The following IFNG-AS1 variants were observed in gnomAD, a reference collection of about 807,000 sequenced individuals.
IFNG-AS1 encodes IFNG antisense RNA 1 (non-protein coding).
chr12:68,015,071 G>A (rs1880116052), intron 3 of IFNG-AS1, among the ~76,000 whole-genome samples: 3 of 151,972 alleles, frequency 2.0e-5, no homozygotes, highest in Admixed American at 2.0e-4. Flanking sequence ...CCTAGCCCAG[G>A]GCATGGCCCA....
At chr12:68,003,424 C>CTTTTTTTTTT (rs530422946) in intron 2 of IFNG-AS1, among the ~76,000 whole-genome samples, 1 of 136,508 alleles carries the variant, frequency 7.3e-6, no homozygotes, top group Non-Finnish European at 1.5e-5. Context: ...CATATTCCCC[C>CTTTTTTTTTT]CTTTTTTTTT....
At chr12:68,004,415 T>C (rs914623289) in intron 2 of IFNG-AS1, among the ~76,000 whole-genome samples, 3 of 152,204 alleles carry the variant, frequency 2.0e-5, no homozygotes, top group African/African-American at 7.2e-5. Context: ...TTCCCAATGC[T>C]GGATCTTCCC....
chr12:67,997,810 A>T (rs921483778), intron 2 of IFNG-AS1, among the ~76,000 whole-genome samples: 45 of 151,980 alleles, frequency 3.0e-4, no homozygotes, highest in African/African-American at 1.0e-3. Flanking sequence ...AAGAGAAGGG[A>T]TTTTAAAAAA....
intron 2 of IFNG-AS1, among the ~76,000 whole-genome samples, chr12:67,998,062 T>C (rs1334450555): frequency 6.6e-6 from 1 of 152,056 alleles, no homozygotes; most frequent in Admixed American, 6.6e-5. Context: ...ACAAGCTTTA[T>C]AGAGGGAAAT....
Position 68,000,027 on chromosome 12 carries a change from A to G in IFNG-AS1, n.184+3954A>G, listed in dbSNP as rs543017478. ...TTTAATCATTATTACCTTAATCATA[A>G]TCTGGATCTTGGCTATAAAATAGGC... is the stretch of plus-strand genomic sequence containing the variant. On this transcript the variant is annotated intron_variant and non_coding_transcript_variant, in intron 2 of 5. Coordinates refer to ENST00000536914, the Ensembl canonical transcript of IFNG-AS1. Among the ~76,000 whole-genome samples, 15 of 152,336 alleles carry G rather than the reference A, an allele frequency of 9.8e-5. No individual in the cohort carries two copies. In the South Asian group the frequency reaches 2.9e-3, roughly 29 times the overall value.
intron 3 of IFNG-AS1, among the ~76,000 whole-genome samples, chr12:68,017,151 A>T (rs550864551): frequency 5.3e-5 from 8 of 152,340 alleles, no homozygotes; most frequent in African/African-American, 1.4e-4. Flanking sequence ...AGCAGCAGGT[A>T]GGAAGACCCC....
chr12:68,002,032 T>C (rs1454585946), intron 2 of IFNG-AS1, among the ~76,000 whole-genome samples: 3 of 152,228 alleles, frequency 2.0e-5, no homozygotes, highest in Non-Finnish European at 2.9e-5. Context: ...AGGTTAAACA[T>C]TGAAATAAGT....
rs570680451 is a variant in IFNG-AS1 at position 67,997,815 on chromosome 12, A to T, written n.184+1742A>T. 5.9e-5 allele frequency among the ~76,000 whole-genome samples: 9 copies of T among 152,076 alleles called. No homozygotes were observed. In the East Asian group the frequency reaches 1.3e-3, roughly 23 times the overall value. ...CTAAAATTGAAAGAGAAGGGATTTT[A>T]AAAAAATATTGAACTAGATAAAGAA... On this transcript the variant is annotated intron_variant and non_coding_transcript_variant, in intron 2 of 5. Coordinates refer to ENST00000536914, the Ensembl canonical transcript of IFNG-AS1.
intron 3 of IFNG-AS1, among the ~76,000 whole-genome samples, chr12:68,017,465 G>A (rs1308818430): frequency 2.0e-5 from 3 of 152,144 alleles, no homozygotes; most frequent in Non-Finnish European, 2.9e-5. Context: ...TGGAAGCTGA[G>A]ATGGGAACAA....
chr12:68,015,689 C>G, intron 3 of IFNG-AS1, among the ~76,000 whole-genome samples: 1 of 151,928 alleles, frequency 6.6e-6, no homozygotes, highest in Non-Finnish European at 1.5e-5. Flanking sequence ...AATAAAAGGA[C>G]ATATAGTAAA....
At chr12:68,012,166 GT>G (rs1251344718) in intron 3 of IFNG-AS1, among the ~76,000 whole-genome samples, 2 of 152,046 alleles carry the variant, frequency 1.3e-5, no homozygotes, top group South Asian at 2.1e-4. Context: ...AGGTTGTTTT[GT>G]TTTTTCTTTC....
chr12:68,006,564 A>G (rs531260321), intron 3 of IFNG-AS1, among the ~76,000 whole-genome samples: 1 of 152,312 alleles, frequency 6.6e-6, no homozygotes, highest in East Asian at 1.9e-4. Context: ...ATCCATAATT[A>G]GGTTACATTA....
intron 2 of IFNG-AS1, among the ~76,000 whole-genome samples, chr12:68,000,389 A>C (rs768536548): frequency 2.0e-5 from 3 of 152,232 alleles, no homozygotes; most frequent in Non-Finnish European, 1.5e-5. Flanking sequence ...GGCCACATGC[A>C]GTGACTCATG....
In IFNG-AS1 at chr12:68,003,425, C is replaced by CT. The variant is rs755483588; in HGVS notation, n.185-2650dup. Among the ~76,000 whole-genome samples the CT allele has an allele frequency of 5.7e-3, 807 of 142,746 alleles. 9 individuals carry two copies. The highest frequency in any genetic ancestry group is 0.027 in the South Asian group (125 of 4,638). 93.6% of individuals were successfully genotyped at this position (142,746 alleles called of 152,430 possible). On this transcript the variant is annotated intron_variant and non_coding_transcript_variant, in intron 2 of 5. Coordinates refer to ENST00000536914, the Ensembl canonical transcript of IFNG-AS1. ...TCATAGAAGCTAATCATATTCCCCC[C>CT]TTTTTTTTTTTTTTTGCATTGAGCA...
chr12:68,004,484 G>T (rs1187467308), intron 2 of IFNG-AS1, among the ~76,000 whole-genome samples: 2 of 152,158 alleles, frequency 1.3e-5, no homozygotes, highest in East Asian at 3.9e-4. Flanking sequence ...GCAAGGGAAA[G>T]GCATGTCAGA....
At chr12:68,008,415 CAAA>C (rs11295864) in intron 3 of IFNG-AS1, among the ~76,000 whole-genome samples, 4 of 145,040 alleles carry the variant, frequency 2.8e-5, no homozygotes, top group Non-Finnish European at 4.6e-5. Flanking sequence ...GACACCATCT[CAAA>C]AAAAAAAAAA....
At chr12:68,007,552 G>A (rs1165095528) in intron 3 of IFNG-AS1, among the ~76,000 whole-genome samples, 2 of 152,168 alleles carry the variant, frequency 1.3e-5, no homozygotes, top group Non-Finnish European at 2.9e-5. Flanking sequence ...ATAGCTGGTG[G>A]AGACCTAATC....
At chr12:68,012,368 G>C (rs1388402266) in intron 3 of IFNG-AS1, among the ~76,000 whole-genome samples, 5 of 152,102 alleles carry the variant, frequency 3.3e-5, no homozygotes, top group Non-Finnish European at 7.4e-5. Flanking sequence ...CTCTGAGTTT[G>C]GTCCATGACA....
chr12:68,001,105 G>A (rs1879757188), intron 2 of IFNG-AS1, among the ~76,000 whole-genome samples: 1 of 151,920 alleles, frequency 6.6e-6, no homozygotes, highest in Non-Finnish European at 1.5e-5. Flanking sequence ...ATATATACTT[G>A]CACATACATA....
Sources: allele counts gnomAD v4.1 joint callset (sites outside exome capture counted in the v4.1 genomes callset), GRCh38; gene constraint gnomAD v4.1.1; transcripts MANE v1.5; gene names NCBI Gene and HGNC (gene_info 2026-07-23, HGNC 2026-07-21).